COL5A2: variants seen among roughly 807,000 people sequenced by gnomAD.
COL5A2 encodes collagen type V alpha 2 chain.
A neutral mutation model predicts 208.2 loss-of-function variants in COL5A2; 23 were observed. The ratio of observed to expected loss-of-function variants is 0.11; its 90% CI spans 0.08 to 0.16. The LOEUF (loss-of-function observed/expected upper bound fraction) is 0.16, where lower values mean the gene tolerates loss of function less well. Among genes scored for constraint, COL5A2 ranks in the 10% least tolerant of loss-of-function variants. The probability of loss-of-function intolerance (pLI) is 1.00; values close to 1 mark genes in which losing one functional copy is unlikely to be tolerated. For synonymous variants in COL5A2, 625 were observed against 628.5 expected (o/e 0.99, Z 0.08); for missense variants, 1,590 against 1,956.4 (o/e 0.81, Z 3.53).
chr2:189,331,819 GGGCACCTGTAGT>G, the COL5A2 span, among the ~76,000 whole-genome samples: 1 of 151,926 alleles, frequency 6.6e-6, no homozygotes, highest in Non-Finnish European at 1.5e-5. Flanking sequence ...GCGTGGTGAC[GGGCACCTGTAGT>G]CCCAGCTACT....
chr2:189,193,728 T>A (rs750500899), intron 1 of COL5A2, among the ~76,000 whole-genome samples: 1 of 152,198 alleles, frequency 6.6e-6, no homozygotes, highest in Non-Finnish European at 1.5e-5. Flanking sequence ...GAGAAGGGCA[T>A]AAGCACTCTC....
intron 1 of COL5A2, among the ~76,000 whole-genome samples, chr2:189,172,341 G>A (rs1315367422): frequency 1.3e-5 from 2 of 152,196 alleles, no homozygotes; most frequent in Non-Finnish European, 2.9e-5. Context: ...AGTCCAGGAG[G>A]TGCTTCAAAA....
intron 1 of COL5A2, among the ~76,000 whole-genome samples, chr2:189,122,463 A>G (rs1687523895): frequency 6.6e-6 from 1 of 152,146 alleles, no homozygotes; most frequent in Admixed American, 6.6e-5. Context: ...TAATTTATCA[A>G]AAAAAGGAGG....
chr2:189,244,736 T>C, the COL5A2 span, among the ~76,000 whole-genome samples: 2 of 152,234 alleles, frequency 1.3e-5, no homozygotes, highest in East Asian at 3.8e-4. Flanking sequence ...GTTACCCAGT[T>C]CCAAAGTTGC....
chr2:189,107,262 G>A (rs1687169372), intron 2 of COL5A2, among the ~76,000 whole-genome samples: 1 of 151,484 alleles, frequency 6.6e-6, no homozygotes, highest in Non-Finnish European at 1.5e-5. Flanking sequence ...GAAAATCCAT[G>A]TTCTAAGATT....
Position 189,092,326 on chromosome 2 carries a change from G to A in COL5A2, c.551C>T (p.Pro184Leu). Residue 184 changes from proline to leucine, a missense_variant, in exon 7 of 54, where the codon CCC (proline) becomes CTC (leucine). By Grantham distance (98) the Pro-to-Leu change is moderately conservative (BLOSUM62 -3). Coordinates refer to ENST00000374866, the MANE Select transcript of COL5A2 (RefSeq NM_000393.5). ...ACAACTCACCCTGCTCAAGCCATCGGGTCCTGGGTGGGACGGATGTCCAGG... is the reference window on the plus strand; with the variant it reads ...ACAACTCACCCTGCTCAAGCCATCGAGTCCTGGGTGGGACGGATGTCCAGG... Reference protein sequence around the residue: ...GPPGHPSHPGPDGLSRPFSAQ... With the variant: ...GPPGHPSHPGLDGLSRPFSAQ... The A allele has an allele frequency of 6.2e-7, 1 of 1,607,418 alleles. No individual in the cohort carries two copies. Among genetic ancestry groups the A allele is most frequent in the Non-Finnish European group, 8.5e-7 (1 of 1,176,406 alleles).
chr2:189,139,941 C>T (rs1456734159), intron 1 of COL5A2, among the ~76,000 whole-genome samples: 2 of 151,926 alleles, frequency 1.3e-5, no homozygotes, highest in African/African-American at 2.4e-5. Context: ...GGCATGGTGG[C>T]GCGCACCTGT....
the COL5A2 span, among the ~76,000 whole-genome samples, chr2:189,325,499 C>CACAT: frequency 7.3e-5 from 11 of 151,424 alleles, no homozygotes; most frequent in African/African-American, 2.2e-4. Flanking sequence ...CACACACACA[C>CACAT]ATACACACAT....
At chr2:189,346,782 G>A in the COL5A2 span, among the ~76,000 whole-genome samples, 1 of 152,092 alleles carries the variant, frequency 6.6e-6, no homozygotes, top group Admixed American at 6.6e-5. Flanking sequence ...AAATAAATGG[G>A]AAAAGATGGG....
chr2:189,267,093 G>T, the COL5A2 span, among the ~76,000 whole-genome samples: 182 of 152,174 alleles, frequency 1.2e-3, no homozygotes, highest in African/African-American at 4.2e-3. Context: ...TGGTGGGTTT[G>T]GTTGGCCTAT....
At chr2:189,226,266 A>C (rs1215906315), upstream of COL5A2, among the ~76,000 whole-genome samples, 2 of 152,156 alleles carry the variant, frequency 1.3e-5, no homozygotes, top group African/African-American at 4.8e-5. Context: ...CCTAATAGTA[A>C]ATAGAGGAAT....
chr2:189,032,940 T>TAACA lies in COL5A2; in HGVS notation c.*1126_*1129dup, dbSNP rs1685366564. On this transcript the variant is annotated 3_prime_UTR_variant, in exon 54 of 54. Transcript: ENST00000374866. Reference sequence around the variant, plus strand: ...CTGCCTATCTCCAGTCTTGGAATAATAACAGAAGCATAGCACCTTTCAGTA... The same window carrying TAACA: ...CTGCCTATCTCCAGTCTTGGAATAATAACAAACAGAAGCATAGCACCTTTCAGTA... The TAACA allele has an allele frequency of 1.3e-5, 2 of 152,624 alleles. No individual in the cohort carries two copies. Among genetic ancestry groups the TAACA allele is most frequent in the African/African-American group, 4.8e-5 (2 of 41,466 alleles). The allele number at this position is 152,624 out of a possible 1,614,324, so 9.5% of individuals were successfully genotyped here.
intron 1 of COL5A2, among the ~76,000 whole-genome samples, chr2:189,196,099 C>T (rs140988295): frequency 0.042 from 6,354 of 152,046 alleles, 455 homozygotes; most frequent in African/African-American, 0.15. Flanking sequence ...GGAACTTAAA[C>T]AAATTTACAA....
intron 40 of COL5A2, 119 bp from the exon 41 acceptor site, chr2:189,052,344 G>T (rs1436503905): frequency 3.1e-6 from 3 of 970,486 alleles, no homozygotes; most frequent in Non-Finnish European, 3.2e-6. Context: ...CATGTTGTAA[G>T]CAATATTTTT....
intron 1 of COL5A2, among the ~76,000 whole-genome samples, chr2:189,162,054 G>T (rs1283228109): frequency 6.6e-6 from 1 of 152,172 alleles, no homozygotes; most frequent in Admixed American, 6.5e-5. Flanking sequence ...GTGCCCTCCA[G>T]GGGAGGCCTT....
At chr2:189,117,278 C>A (rs1049728309) in intron 1 of COL5A2, among the ~76,000 whole-genome samples, 1 of 152,120 alleles carries the variant, frequency 6.6e-6, no homozygotes. Flanking sequence ...TTCCCACATA[C>A]CTCAAACTAC....
chr2:189,390,281 T>C, the COL5A2 span, among the ~76,000 whole-genome samples: 3 of 152,104 alleles, frequency 2.0e-5, no homozygotes, highest in Admixed American at 6.5e-5. Flanking sequence ...AAGATATACA[T>C]AGTCACAGCA....
the COL5A2 span, among the ~76,000 whole-genome samples, chr2:189,395,918 A>G: frequency 3.3e-5 from 5 of 150,710 alleles, no homozygotes; most frequent in Admixed American, 6.6e-5. Flanking sequence ...AAAAAAAAAA[A>G]AAAAAAAAAA....
chr2:189,421,356 C>A, the COL5A2 span, among the ~76,000 whole-genome samples: 1 of 152,138 alleles, frequency 6.6e-6, no homozygotes, highest in East Asian at 1.9e-4. Flanking sequence ...TATCCACGCA[C>A]GAAATTACCT....
Sources: gnomAD v4.1 joint callset for allele counts (sites outside exome capture counted in the v4.1 genomes callset) on GRCh38, gnomAD v4.1.1 for gene constraint, MANE v1.5 for transcripts, NCBI Gene and HGNC (gene_info 2026-07-23, HGNC 2026-07-21) for gene names.